ALG14: variants seen among roughly 807,000 people sequenced by gnomAD.
ALG14 encodes the protein ALG14 UDP-N-acetylglucosaminyltransferase subunit, also known as UDP-N-acetylglucosamine transferase subunit ALG14.
Under a neutral mutation model 22.8 loss-of-function variants are expected in ALG14, and 17 were observed. The observed-to-expected ratio is 0.75, with a 90% CI of 0.51 to 1.12. The LOEUF is 1.12. ALG14 is among the 50% of genes most tolerant of loss of function. ALG14 has a pLI of 0.00. For synonymous variants in ALG14, 89 were observed against 103.7 expected, an observed-to-expected ratio of 0.86 and a Z score of 0.86; for missense variants, 288 against 271.8, an observed-to-expected ratio of 1.06 and a Z score of -0.42.
intron 2 of ALG14, 131 bp downstream of exon 2, chr1:95,064,735 T>C: frequency 2.8e-6 from 2 of 718,168 alleles, no homozygotes; most frequent in Non-Finnish European, 4.3e-6. Flanking sequence ...AAAGGAAATG[T>C]ATTTCATCAC....
intron 2 of ALG14, 139 bp from the exon 3 acceptor site, chr1:95,027,399 T>C (rs771827669): frequency 1.2e-5 from 12 of 1,026,860 alleles, no homozygotes; most frequent in Non-Finnish European, 1.7e-5. Flanking sequence ...ATTAGAGTTG[T>C]AATGCCTATC....
At position 95,041,335 on chromosome 1, in the gene ALG14, T is replaced by G. The variant is rs569785146; in HGVS notation, c.289-14075A>C. Among the ~76,000 whole-genome samples the G allele has an allele frequency of 1.8e-4, 28 of 152,228 alleles. No individual in the cohort carries two copies. The South Asian group carries it at 4.6e-3, about 25-fold the overall frequency. The stretch of plus-strand genomic sequence containing the variant: ...TAATATACATTACAGTTGACAAACT[T>G]AAATAAAACCCCACAGTTTAAACTA... On this transcript the variant is annotated intron_variant, in intron 2 of 3. Transcript: ENST00000370205.
chr1:95,033,444 CATACAT>C (rs1674083655), intron 2 of ALG14, among the ~76,000 whole-genome samples: 1 of 145,592 alleles, frequency 6.9e-6, no homozygotes, highest in African/African-American at 2.6e-5. Flanking sequence ...CACACACACA[CATACAT>C]ATATATACAC....
chr1:95,046,574 A>G (rs1674563150), intron 2 of ALG14, among the ~76,000 whole-genome samples: 1 of 152,218 alleles, frequency 6.6e-6, no homozygotes, highest in Non-Finnish European at 1.5e-5. Context: ...AGAATGCTAG[A>G]GTGGGCAAGG....
Position 95,019,614 on chromosome 1 carries a change from G to A in ALG14, c.420+7515C>T, listed in dbSNP as rs181895316. On this transcript the variant is annotated intron_variant, in intron 3 of 3. Transcript: ENST00000370205. ...AAGGCACCACTGAAGTTGAGAAGCC[G>A]CTTGGCTTATATCTGCTGTAAAATG... Among the ~76,000 whole-genome samples, 131 of 152,286 alleles carry A rather than the reference G, an allele frequency of 8.6e-4. 1 individual carries two copies. Among genetic ancestry groups the A allele is most frequent in the African/African-American group, 3.0e-3 (126 of 41,568 alleles).
intron 2 of ALG14, among the ~76,000 whole-genome samples, chr1:95,042,980 G>A (rs1181700780): frequency 6.6e-6 from 1 of 151,680 alleles, no homozygotes. Flanking sequence ...TCTTTTTCTT[G>A]AGTTCTTCAA....
At chr1:95,054,542 C>A (rs1278481766) in intron 2 of ALG14, among the ~76,000 whole-genome samples, 1 of 152,074 alleles carries the variant, frequency 6.6e-6, no homozygotes, top group African/African-American at 2.4e-5. Flanking sequence ...TTCTTTATAG[C>A]AATGCAAAAA....
Position 95,027,121 on chromosome 1 carries a change from T to G in ALG14, c.420+8A>C. On this transcript the variant is annotated splice_region_variant and intron_variant, in intron 3 of 3. Coordinates refer to ENST00000370205, the MANE Select transcript of ALG14 (RefSeq NM_144988.4). The stretch of plus-strand genomic sequence containing the variant: ...ACTTTCTCTCTCCTTAGTGATGGTC[T>G]TACTTACCAAATCTGGCTTCACCCT... 6.2e-7 allele frequency: 1 copy of G among 1,613,902 alleles called. No individual in the cohort carries two copies. Among genetic ancestry groups the G allele is most frequent in the South Asian group, 1.1e-5 (1 of 91,070 alleles).
intron 1 of ALG14, among the ~76,000 whole-genome samples, chr1:95,070,296 T>C (rs1442679622): frequency 6.6e-6 from 1 of 152,232 alleles, no homozygotes; most frequent in Non-Finnish European, 1.5e-5. Flanking sequence ...AAACAGACCA[T>C]TTCCCTTGTA....
At chr1:95,053,098 G>A (rs1451788890) in intron 2 of ALG14, among the ~76,000 whole-genome samples, 1 of 152,028 alleles carries the variant, frequency 6.6e-6, no homozygotes, top group Non-Finnish European at 1.5e-5. Flanking sequence ...CTAGTTAGAA[G>A]ACAATTCCCA....
Position 95,026,699 on chromosome 1 carries a change from C to T in ALG14, c.420+430G>A, listed in dbSNP as rs571394759. ...ATCCCAGCACTTTGGGAGGCCGAGG[C>T]GGGCAGATTACTTGAGGTCAGGAGT... On this transcript the variant is annotated intron_variant, in intron 3 of 3. Transcript: ENST00000370205. Among the ~76,000 whole-genome samples, 29 of 152,172 alleles carry T rather than the reference C, an allele frequency of 1.9e-4. No individual in the cohort carries two copies. In the South Asian group the frequency reaches 4.8e-3, roughly 25 times the overall value.
At chr1:95,014,845 TC>T (rs1673458605) in intron 3 of ALG14, among the ~76,000 whole-genome samples, 1 of 152,216 alleles carries the variant, frequency 6.6e-6, no homozygotes, top group South Asian at 2.1e-4. Context: ...TTTCAGGCTA[TC>T]TTAAGAAATA....
rs1192311417 is a variant in ALG14, at chr1:95,064,909, T to C, written c.245A>G (p.Asn82Ser). Reference sequence around the variant, plus strand: ...ATCAGCTCGATCTAGTTCAAAAGAATTTATTTTATTGGCACTCATTTCATC... The same window carrying C: ...ATCAGCTCGATCTAGTTCAAAAGAACTTATTTTATTGGCACTCATTTCATC... ...DTDEMSANKI[N>S]SFELDRADRD... Residue 82 changes from asparagine (N) to serine (S), a missense_variant, in exon 2 of 4, where the codon AAT (asparagine) becomes AGT (serine). Physicochemically the swap from Asn to Ser is conservative, Grantham distance 46. Transcript: ENST00000370205. The C allele has an allele frequency of 3.1e-6, 5 of 1,613,950 alleles. No individual in the cohort carries two copies. Among genetic ancestry groups the C allele is most frequent in the Admixed American group, 1.7e-5 (1 of 60,012 alleles).
chr1:95,038,034 A>G (rs1325893311), intron 2 of ALG14, among the ~76,000 whole-genome samples: 1 of 152,228 alleles, frequency 6.6e-6, no homozygotes, highest in African/African-American at 2.4e-5. Context: ...ATATAATGTT[A>G]GCACCAAGTA....
At chr1:95,070,117 G>A (rs1675512717) in intron 1 of ALG14, among the ~76,000 whole-genome samples, 1 of 152,128 alleles carries the variant, frequency 6.6e-6, no homozygotes, top group Admixed American at 6.6e-5. Flanking sequence ...CCATTCCAGA[G>A]AGGGCCCTAC....
intron 1 of ALG14, among the ~76,000 whole-genome samples, chr1:95,071,625 G>C (rs1675569640): frequency 6.6e-6 from 1 of 152,176 alleles, no homozygotes. Flanking sequence ...ACACGATAGT[G>C]TTCTCTCAAC....
At chr1:95,044,703 T>G (rs1002199270) in intron 2 of ALG14, among the ~76,000 whole-genome samples, 4 of 152,158 alleles carry the variant, frequency 2.6e-5, no homozygotes, top group African/African-American at 9.7e-5. Flanking sequence ...GACTTTACTA[T>G]TTTCTTCTTC....
intron 1 of ALG14, among the ~76,000 whole-genome samples, 167 bp from the exon 2 acceptor site, chr1:95,065,184 C>T (rs565028540): frequency 5.3e-5 from 8 of 151,882 alleles, no homozygotes; most frequent in Middle Eastern, 3.2e-3. Context: ...TCTATGCCCT[C>T]GTATAAATAC....
At chr1:95,017,257 C>G (rs954768558) in intron 3 of ALG14, among the ~76,000 whole-genome samples, 3 of 152,100 alleles carry the variant, frequency 2.0e-5, no homozygotes, top group Non-Finnish European at 2.9e-5. Flanking sequence ...CCCTAAGTTC[C>G]TACACATCTA....
Sources: gnomAD v4.1 joint callset for allele counts (sites outside exome capture counted in the v4.1 genomes callset) on GRCh38, gnomAD v4.1.1 for gene constraint, MANE v1.5 for transcripts, NCBI Gene and HGNC (gene_info 2026-07-23, HGNC 2026-07-21) for gene names.